Variants in CFDP1 observed in about 807,000 individuals in gnomAD.
The protein encoded by CFDP1 is heterochromatin-stabilizing protein CFDP1.
A neutral mutation model predicts 40.1 loss-of-function variants in CFDP1; 31 were observed. That is an observed-to-expected ratio of 0.77 (90% CI 0.58 to 1.04). The LOEUF is 1.04. Among genes scored for constraint, CFDP1 ranks in the 50% least tolerant of loss-of-function variants. The pLI is 0.00. For missense variants in CFDP1, 423 were observed against 343.4 expected (o/e 1.23, Z -1.83); for synonymous variants, 167 against 120.0 (o/e 1.39, Z -2.56).
At chr16:75,376,389 G>A (rs978698072) in intron 5 of CFDP1, among the ~76,000 whole-genome samples, 3 of 152,120 alleles carry the variant, frequency 2.0e-5, no homozygotes, top group African/African-American at 7.2e-5. Flanking sequence ...TGGTATATAT[G>A]AACAATTTAT....
chr16:75,309,845 A>AAAAAAC (rs55657833), intron 5 of CFDP1, among the ~76,000 whole-genome samples: 1 of 148,560 alleles, frequency 6.7e-6, no homozygotes, highest in South Asian at 2.1e-4. Flanking sequence ...AAAAAAAAAA[A>AAAAAAC]CCAATCCAGT....
At chr16:75,347,044 C>T (rs1166000847) in intron 5 of CFDP1, among the ~76,000 whole-genome samples, 1 of 151,924 alleles carries the variant, frequency 6.6e-6, no homozygotes, top group Non-Finnish European at 1.5e-5. Context: ...AAGTGACCTT[C>T]AAAATAGAAG....
At chr16:75,310,065 G>A (rs1408046645) in intron 5 of CFDP1, among the ~76,000 whole-genome samples, 1 of 152,156 alleles carries the variant, frequency 6.6e-6, no homozygotes, top group Non-Finnish European at 1.5e-5. Context: ...TTACGCTGAG[G>A]CATTCTGGAA....
chr16:75,349,682 A>ATATATATATATATATATATATATAT (rs60815655), intron 5 of CFDP1, among the ~76,000 whole-genome samples: 3 of 7,398 alleles, frequency 4.1e-4, no homozygotes, highest in African/African-American at 7.9e-4. Context: ...AAAAAAAAAA[A>ATATATATATATATATATATATATAT]AAAAAAAAAT....
In CFDP1 at chr16:75,349,696, T is replaced by TATATAC. The variant is rs1209804675; in HGVS notation, c.651-44515_651-44514insGTATAT. On this transcript the variant is annotated intron_variant, in intron 5 of 6. Coordinates refer to ENST00000283882, the MANE Select transcript of CFDP1 (RefSeq NM_006324.3). ...AAAAAAAAAAAAAAAAAAAAATATATATACATACATATATACGGTTGATTT... is the reference window on the plus strand; with the variant it reads ...AAAAAAAAAAAAAAAAAAAAATATATATATACATACATACATATATACGGTTGATTT... Among the ~76,000 whole-genome samples, 5 of 47,952 alleles carry TATATAC rather than the reference T, an allele frequency of 1.0e-4. 1 individual carries two copies. Among genetic ancestry groups the TATATAC allele is most frequent in the African/African-American group, 6.0e-4 (5 of 8,358 alleles). The allele number at this position is 47,952 out of a possible 152,430, so 31.5% of individuals were successfully genotyped here.
intron 6 of CFDP1, among the ~76,000 whole-genome samples, chr16:75,298,142 G>T (rs2151497287): frequency 6.6e-6 from 1 of 152,316 alleles, no homozygotes; most frequent in East Asian, 1.9e-4. Flanking sequence ...TAAAACAAAT[G>T]AATTCTGTGT....
At chr16:75,359,057 A>G (rs868674947) in intron 5 of CFDP1, among the ~76,000 whole-genome samples, 3 of 152,228 alleles carry the variant, frequency 2.0e-5, no homozygotes, top group African/African-American at 4.8e-5. Flanking sequence ...TTCCAACTAC[A>G]TATTTGAGTG....
chr16:75,328,963 C>T (rs1030328132), intron 5 of CFDP1, among the ~76,000 whole-genome samples: 4 of 151,814 alleles, frequency 2.6e-5, no homozygotes, highest in Admixed American at 2.0e-4. Context: ...TCTCCTGCCT[C>T]GGCCTCCCGA....
intron 4 of CFDP1, among the ~76,000 whole-genome samples, chr16:75,401,287 G>A (rs951732104): frequency 3.3e-5 from 5 of 152,074 alleles, no homozygotes; most frequent in Admixed American, 2.6e-4. Flanking sequence ...TATTAGCCAG[G>A]CTTGGTGGCG....
At chr16:75,296,127 G>C (rs994751595) in intron 6 of CFDP1, among the ~76,000 whole-genome samples, 1 of 152,210 alleles carries the variant, frequency 6.6e-6, no homozygotes, top group Non-Finnish European at 1.5e-5. Flanking sequence ...GTTCACCTGG[G>C]GGTGTAAGAG....
At chr16:75,384,899 T>TA (rs1776724230) in intron 5 of CFDP1, among the ~76,000 whole-genome samples, 120 of 137,982 alleles carry the variant, frequency 8.7e-4, no homozygotes, top group African/African-American at 3.1e-3. Context: ...TATATATATA[T>TA]TGCAGACCAG....
intron 1 of CFDP1, chr16:75,419,184 C>T (rs1053675725): frequency 5.7e-5 from 12 of 209,426 alleles, no homozygotes; most frequent in Admixed American, 4.5e-4. Context: ...CTGGCCAAAG[C>T]AGTGAAGACC....
intron 5 of CFDP1, among the ~76,000 whole-genome samples, chr16:75,375,119 C>T (rs1331097679): frequency 1.3e-5 from 2 of 149,398 alleles, no homozygotes; most frequent in East Asian, 3.9e-4. Flanking sequence ...AAAACCTAAA[C>T]ATAAAAGCCA....
At chr16:75,327,634 T>G (rs563781373) in intron 5 of CFDP1, among the ~76,000 whole-genome samples, 2 of 152,094 alleles carry the variant, frequency 1.3e-5, no homozygotes, top group African/African-American at 4.8e-5. Context: ...CAATCAAATA[T>G]ACACACATAT....
chr16:75,421,902 T>C (rs1000212162), intron 1 of CFDP1, among the ~76,000 whole-genome samples: 6 of 152,218 alleles, frequency 3.9e-5, no homozygotes, highest in African/African-American at 1.4e-4. Context: ...TATAAAATGA[T>C]GTCATATTTA....
intron 5 of CFDP1, among the ~76,000 whole-genome samples, chr16:75,306,722 G>C (rs575925217): frequency 2.0e-5 from 3 of 152,162 alleles, no homozygotes; most frequent in Non-Finnish European, 4.4e-5. Context: ...CTCGCCTCCA[G>C]ATGAGAAGTG....
intron 1 of CFDP1, among the ~76,000 whole-genome samples, chr16:75,422,052 C>G (rs1050249644): frequency 8.5e-5 from 13 of 152,216 alleles, no homozygotes; most frequent in East Asian, 5.8e-4. Flanking sequence ...TGTACACATT[C>G]AGTACAGACA....
chr16:75,349,835 G>T (rs899712326), intron 5 of CFDP1, among the ~76,000 whole-genome samples: 12 of 150,882 alleles, frequency 8.0e-5, no homozygotes, highest in Non-Finnish European at 1.6e-4. Context: ...TCTGGGAATA[G>T]TTCAACTCCT....
chr16:75,414,986 A>G (rs2079192018), intron 1 of CFDP1, among the ~76,000 whole-genome samples: 1 of 152,248 alleles, frequency 6.6e-6, no homozygotes, highest in Non-Finnish European at 1.5e-5. Flanking sequence ...ATACTCCAAG[A>G]GGACATAAAC....
Sources: gnomAD v4.1 joint callset for allele counts (sites outside exome capture counted in the v4.1 genomes callset) on GRCh38, gnomAD v4.1.1 for gene constraint, MANE v1.5 for transcripts, NCBI Gene and HGNC (gene_info 2026-07-23, HGNC 2026-07-21) for gene names.